The following CHODL variants were observed in gnomAD, a reference collection of about 807,000 sequenced individuals.
The protein encoded by CHODL is chondrolectin.
Under a neutral mutation model 34.5 loss-of-function variants are expected in CHODL, and 29 were observed. The observed-to-expected ratio is 0.84, with a 90% CI of 0.63 to 1.15. The LOEUF (loss-of-function observed/expected upper bound fraction) is 1.15. CHODL is among the 50% of genes most tolerant of loss of function. The pLI is 0.00. For synonymous variants in CHODL, 125 were observed against 116.1 expected (o/e 1.08, Z -0.49); for missense variants, 332 against 332.5 (o/e 1.00, Z 0.01).
chr21:17,950,316 C>A lies in CHODL; in HGVS notation c.-145+32916C>A, dbSNP rs187000004. 8.6e-4 allele frequency among the ~76,000 whole-genome samples: 131 copies of A among 151,492 alleles called. 1 individual carries two copies. Among genetic ancestry groups the A allele is most frequent in the African/African-American group, 2.9e-3 (118 of 41,266 alleles). ...AACTCAAAAAAGGTATATAATAATT[C>A]AAGGAAGAAATTGTACAAAATAGAT... On this transcript the variant is annotated intron_variant, in intron 1 of 6. Coordinates refer to the CHODL transcript ENST00000400127.
intron 2 of CHODL, among the ~76,000 whole-genome samples, chr21:18,111,119 G>C (rs1011073672): frequency 6.6e-6 from 1 of 152,126 alleles, no homozygotes; most frequent in African/African-American, 2.4e-5. Context: ...CCATGTATGA[G>C]AGAGATACCA....
intron 2 of CHODL, among the ~76,000 whole-genome samples, chr21:18,104,117 G>A (rs1316062993): frequency 1.3e-5 from 2 of 152,148 alleles, no homozygotes; most frequent in Non-Finnish European, 2.9e-5. Context: ...GGACAGGTGG[G>A]AAACACTGAA....
At chr21:18,126,624 G>C (rs1244009520) in intron 2 of CHODL, among the ~76,000 whole-genome samples, 2 of 151,510 alleles carry the variant, frequency 1.3e-5, no homozygotes, top group Non-Finnish European at 2.9e-5. Context: ...TTCTTCAGGG[G>C]CACTTCATTT....
chr21:17,919,872 C>T (rs959570391), intron 1 of CHODL, among the ~76,000 whole-genome samples: 6 of 152,110 alleles, frequency 3.9e-5, no homozygotes, highest in Admixed American at 1.3e-4. Flanking sequence ...TGCCAGATAC[C>T]CTAAATCATC....
At chr21:17,938,628 G>A (rs1386111772) in intron 1 of CHODL, among the ~76,000 whole-genome samples, 10 of 151,796 alleles carry the variant, frequency 6.6e-5, no homozygotes, top group African/African-American at 2.2e-4. Context: ...ACAGGCGCCC[G>A]CCACCGCGCC....
intron 1 of CHODL, among the ~76,000 whole-genome samples, chr21:17,951,119 T>C (rs986023313): frequency 2.6e-5 from 4 of 151,716 alleles, no homozygotes; most frequent in Non-Finnish European, 5.9e-5. Flanking sequence ...TGTGTGTGTG[T>C]GTGTGTGTGT....
intron 2 of CHODL, among the ~76,000 whole-genome samples, chr21:18,218,533 G>T (rs2073852599): frequency 6.6e-6 from 1 of 152,126 alleles, no homozygotes; most frequent in Non-Finnish European, 1.5e-5. Flanking sequence ...CTGCCACAAA[G>T]GTCCCTGACA....
chr21:18,071,232 T>C (rs2064801152), intron 2 of CHODL, among the ~76,000 whole-genome samples: 1 of 150,320 alleles, frequency 6.7e-6, no homozygotes, highest in Admixed American at 6.7e-5. Context: ...CTGCAACCTC[T>C]GCTTTCCGGG....
intron 2 of CHODL, among the ~76,000 whole-genome samples, chr21:18,177,154 A>G (rs566836353): frequency 6.6e-6 from 1 of 152,242 alleles, no homozygotes; most frequent in Admixed American, 6.5e-5. Context: ...ACAAATAATA[A>G]CACTAACAAG....
rs545078791 is a variant in CHODL at position 18,262,054 on chromosome 21, G to T, written c.635-737G>T. Among the ~76,000 whole-genome samples, 174 of 151,818 alleles carry T rather than the reference G, an allele frequency of 1.1e-3. 1 individual carries two copies. Among genetic ancestry groups the T allele is most frequent in the African/African-American group, 4.0e-3 (167 of 41,386 alleles). ...TTTTTAATAATAAGTACTTATTTTT[G>T]TAAGTAATGATTGAGAAGGAGTAAT... is the stretch of plus-strand genomic sequence containing the variant. On this transcript the variant is annotated intron_variant, in intron 4 of 5. Coordinates refer to ENST00000299295, the MANE Select transcript of CHODL (RefSeq NM_024944.3).
chr21:18,045,613 T>C (rs184434831), intron 2 of CHODL, among the ~76,000 whole-genome samples: 58 of 152,116 alleles, frequency 3.8e-4, no homozygotes, highest in Non-Finnish European at 6.6e-4. Flanking sequence ...TGTGAGAGAA[T>C]ACATTTTTGA....
intron 2 of CHODL, among the ~76,000 whole-genome samples, chr21:18,227,524 C>A (rs2073941729): frequency 6.6e-6 from 1 of 152,054 alleles, no homozygotes; most frequent in Admixed American, 6.6e-5. Flanking sequence ...CAAACATGAT[C>A]ATTAAACTAG....
chr21:18,124,673 TA>T (rs2065521058), intron 2 of CHODL, among the ~76,000 whole-genome samples: 1 of 151,882 alleles, frequency 6.6e-6, no homozygotes, highest in Admixed American at 6.6e-5. Context: ...GTGAAACACA[TA>T]AATGGCCTGC....
intron 1 of CHODL, among the ~76,000 whole-genome samples, chr21:17,918,587 T>C (rs568559081): frequency 9.9e-5 from 15 of 152,262 alleles, no homozygotes; most frequent in South Asian, 2.1e-4. Flanking sequence ...CTAGGACACA[T>C]GGGAATTGTG....
chr21:18,060,169 A>G (rs1050310901), intron 2 of CHODL, among the ~76,000 whole-genome samples: 1 of 152,076 alleles, frequency 6.6e-6, no homozygotes, highest in African/African-American at 2.4e-5. Flanking sequence ...TAAAATGTCA[A>G]ACTAGCCAGG....
chr21:17,986,961 C>T lies in CHODL; in HGVS notation c.-144-40911C>T, dbSNP rs1040527850. ...GACCATGGTAGATGGCCATGGGTGG[C>T]GAGAGGACATCACAAAATGACAAAA... On this transcript the variant is annotated intron_variant, in intron 1 of 6. Transcript: ENST00000400127. Among the ~76,000 whole-genome samples the T allele has an allele frequency of 5.9e-5, 9 of 151,800 alleles. No homozygotes were observed. In the South Asian group the frequency reaches 8.3e-4, roughly 14 times the overall value.
intron 1 of CHODL, among the ~76,000 whole-genome samples, chr21:17,927,058 ATATG>A (rs1486182917): frequency 2.0e-5 from 3 of 150,850 alleles, no homozygotes; most frequent in Non-Finnish European, 4.4e-5. Flanking sequence ...ATATATGTGT[ATATG>A]TATGTATATG....
At chr21:18,095,864 A>C (rs1413354997) in intron 2 of CHODL, among the ~76,000 whole-genome samples, 2 of 152,198 alleles carry the variant, frequency 1.3e-5, no homozygotes, top group Admixed American at 6.6e-5. Flanking sequence ...CGAAACAATG[A>C]ATGTAATATA....
In CHODL at chr21:18,251,691, A is replaced by ATATT. The variant is rs1482367099; in HGVS notation, c.80-4816_80-4813dup. ...TTATTTATTTTAATATATAAAATAAATATTTTATTTATTTATTTTAATATA... is the reference window on the plus strand; with the variant it reads ...TTATTTATTTTAATATATAAAATAAATATTTATTTTATTTATTTATTTTAATATA... On this transcript the variant is annotated intron_variant, in intron 1 of 5. Transcript: ENST00000299295. Among the ~76,000 whole-genome samples, 11 of 100,512 alleles carry ATATT rather than the reference A, an allele frequency of 1.1e-4. 1 individual carries two copies. Among genetic ancestry groups the ATATT allele is most frequent in the Non-Finnish European group, 7.6e-5 (4 of 52,510 alleles). 65.9% of individuals were successfully genotyped at this position (100,512 alleles called of 152,430 possible).
Sources: gnomAD v4.1 joint callset for allele counts (sites outside exome capture counted in the v4.1 genomes callset) on GRCh38, gnomAD v4.1.1 for gene constraint, MANE v1.5 for transcripts, NCBI Gene and HGNC (gene_info 2026-07-23, HGNC 2026-07-21) for gene names.